The following EFCAB5 variants were observed in gnomAD, a reference collection of about 807,000 sequenced individuals.
The protein encoded by EFCAB5 is EF-hand calcium-binding domain-containing protein 5.
Under a neutral mutation model 167.9 loss-of-function variants are expected in EFCAB5, and 131 were observed. That is an observed-to-expected ratio of 0.78 (90% CI 0.68 to 0.90). EFCAB5 has a LOEUF of 0.90. Ranked by LOEUF, EFCAB5 falls within the 40% of genes least tolerant of loss-of-function variation. EFCAB5 has a pLI of 0.00. For synonymous variants in EFCAB5, 574 were observed against 602.8 expected (o/e 0.95, Z 0.70); for missense variants, 1,663 against 1,745.2 (o/e 0.95, Z 0.84).
intron 7 of EFCAB5, among the ~76,000 whole-genome samples, chr17:30,009,787 T>C (rs1229448174): frequency 6.6e-6 from 1 of 152,156 alleles, no homozygotes; most frequent in Non-Finnish European, 1.5e-5. Flanking sequence ...TTTAACCTTT[T>C]GAGGAACTGC....
At chr17:29,967,896 T>TC (rs1422947714) in intron 3 of EFCAB5, among the ~76,000 whole-genome samples, 1 of 151,538 alleles carries the variant, frequency 6.6e-6, no homozygotes, top group East Asian at 1.9e-4. Flanking sequence ...ACCTTTTTTT[T>TC]TTTTTTTTTT....
At chr17:30,039,371 C>T (rs769526792) in intron 8 of EFCAB5, among the ~76,000 whole-genome samples, 3 of 152,148 alleles carry the variant, frequency 2.0e-5, no homozygotes, top group Non-Finnish European at 4.4e-5. Context: ...TTTTCCTTTC[C>T]TTTCCTTCCC....
intron 18 of EFCAB5, among the ~76,000 whole-genome samples, chr17:30,085,837 C>T (rs1189568485): frequency 1.3e-5 from 2 of 152,100 alleles, no homozygotes; most frequent in East Asian, 3.8e-4. Context: ...CAACATTTCC[C>T]TTCTAAAGAG....
intron 7 of EFCAB5, among the ~76,000 whole-genome samples, chr17:30,003,103 G>C (rs999248914): frequency 2.8e-5 from 4 of 141,130 alleles, no homozygotes; most frequent in South Asian, 2.5e-4. Context: ...TTGTAGCGGG[G>C]GGGGGGTCTG....
intron 22 of EFCAB5, among the ~76,000 whole-genome samples, chr17:30,096,677 A>ATATATATATATATATTTTTT (rs1193558323): frequency 1.7e-5 from 1 of 60,128 alleles, no homozygotes; most frequent in African/African-American, 8.4e-5. Context: ...ATATATATAT[A>ATATATATATATATATTTTTT]TTTTTTTTTT....
chr17:30,017,931 G>A (rs989399537), intron 7 of EFCAB5, among the ~76,000 whole-genome samples: 5 of 152,044 alleles, frequency 3.3e-5, no homozygotes, highest in African/African-American at 9.7e-5. Flanking sequence ...TTTACAATGT[G>A]TTTTGCTATT....
At chr17:29,995,892 A>T (rs1597640546) in intron 5 of EFCAB5, among the ~76,000 whole-genome samples, 1 of 152,286 alleles carries the variant, frequency 6.6e-6, no homozygotes, top group African/African-American at 2.4e-5. Flanking sequence ...ACTTCATAAA[A>T]CACCAGTGAT....
In EFCAB5 at chr17:30,055,947, G is replaced by C; in HGVS notation, c.2254G>C (p.Glu752Gln). ...CTGTGAACCCAAGTCCCAAAAAATA[G>C]AAGGAAAGTCATGGTCAGGTAACTC... ...KPCEPKSQKI[E>Q]GKSWSGEFFT... The change falls in exon 11 of 23, where the codon GAA (glutamate) becomes CAA (glutamine). Residue 752 changes from glutamate to glutamine, a missense_variant. Glu to Gln is a conservative substitution (Grantham distance 29). Coordinates refer to ENST00000394835, the MANE Select transcript of EFCAB5 (RefSeq NM_198529.4). 12 of 1,613,702 alleles carry C rather than the reference G, an allele frequency of 7.4e-6. No individual in the cohort carries two copies. Among genetic ancestry groups the C allele is most frequent in the Non-Finnish European group, 9.3e-6 (11 of 1,179,782 alleles).
rs568203970 is a variant in EFCAB5 at position 30,050,401 on chromosome 17, C to T, written c.1201-717C>T. Among the ~76,000 whole-genome samples, 10 of 152,246 alleles carry T rather than the reference C, an allele frequency of 6.6e-5. No homozygotes were observed. The East Asian group carries it at 1.7e-3, about 26-fold the overall frequency. ...CCACCCACCTCGGCCTCCCAAAGTG[C>T]TGGGATTACAGGCGTGAGCCACCGC... On this transcript the variant is annotated intron_variant, in intron 8 of 22. Coordinates refer to ENST00000394835, the MANE Select transcript of EFCAB5 (RefSeq NM_198529.4).
chr17:30,071,444 A>G (rs2070734754), intron 14 of EFCAB5, among the ~76,000 whole-genome samples: 1 of 151,580 alleles, frequency 6.6e-6, no homozygotes, highest in Admixed American at 6.6e-5. Context: ...CAAAACCACA[A>G]TGAAGTATTA....
At chr17:30,037,924 C>T (rs2069668624) in intron 8 of EFCAB5, among the ~76,000 whole-genome samples, 1 of 152,030 alleles carries the variant, frequency 6.6e-6, no homozygotes. Flanking sequence ...CAATTAATAA[C>T]CCTAGAAAGG....
At chr17:30,093,285 G>T (rs2071235780) in intron 22 of EFCAB5, among the ~76,000 whole-genome samples, 1 of 152,146 alleles carries the variant, frequency 6.6e-6, no homozygotes. Flanking sequence ...CTTTTTCAAG[G>T]AGGAGAATCA....
At chr17:29,962,358 C>A (rs1258602974) in intron 3 of EFCAB5, among the ~76,000 whole-genome samples, 1 of 152,102 alleles carries the variant, frequency 6.6e-6, no homozygotes, top group Non-Finnish European at 1.5e-5. Context: ...TAATTTCTTT[C>A]AGCAATGTTT....
Position 29,969,035 on chromosome 17 carries a change from A to C in EFCAB5, c.435A>C (p.Lys145Asn). 1.9e-6 allele frequency: 3 copies of C among 1,599,022 alleles called. No individual in the cohort carries two copies. The highest frequency in any genetic ancestry group is 2.6e-6 in the Non-Finnish European group (3 of 1,173,912). The change falls in exon 4 of 23, where the codon AAA (lysine) becomes AAC (asparagine). Residue 145 changes from lysine (K) to asparagine (N), a missense_variant. Lys to Asn is a moderately conservative substitution (Grantham distance 94). Coordinates refer to ENST00000394835, the MANE Select transcript of EFCAB5 (RefSeq NM_198529.4). ...DKENLKKELE[K>N]KAEKKLPRDN... Reference sequence around the variant, plus strand: ...AAAATCTGAAGAAGGAACTAGAAAAAAAGGCTGAAAAAAAACTCCCTAGGG... The same window carrying C: ...AAAATCTGAAGAAGGAACTAGAAAACAAGGCTGAAAAAAAACTCCCTAGGG...
At chr17:30,073,879 T>C (rs1646797170) in intron 14 of EFCAB5, 2 of 352,936 alleles carry the variant, frequency 5.7e-6, no homozygotes, top group African/African-American at 2.1e-5. Context: ...TGGGTAACAT[T>C]GCAAAAACCA....
chr17:29,993,109 CT>C, intron 4 of EFCAB5, 55 bp from the exon 5 acceptor site: 1 of 1,461,452 alleles, frequency 6.8e-7, no homozygotes, highest in Non-Finnish European at 9.1e-7. Context: ...GTGTTCCAAT[CT>C]GGACCAAATC....
At chr17:30,058,190 G>A (rs879346036) in intron 13 of EFCAB5, among the ~76,000 whole-genome samples, 1 of 152,122 alleles carries the variant, frequency 6.6e-6, no homozygotes, top group African/African-American at 2.4e-5. Flanking sequence ...GCAAAGATGT[G>A]TATGTGCATT....
intron 19 of EFCAB5, 84 bp from the exon 20 acceptor site, chr17:30,090,337 A>C: frequency 1.3e-5 from 19 of 1,515,338 alleles, no homozygotes; most frequent in Non-Finnish European, 1.7e-5. Context: ...GGTAGGCACA[A>C]GAGAGTAATT....
chr17:30,043,523 G>A (rs2069833675), intron 8 of EFCAB5, among the ~76,000 whole-genome samples: 1 of 152,124 alleles, frequency 6.6e-6, no homozygotes, highest in Admixed American at 6.5e-5. Context: ...CATAAATTTA[G>A]CAAGGCTTCA....
Sources: gnomAD v4.1 joint callset for allele counts (sites outside exome capture counted in the v4.1 genomes callset) on GRCh38, gnomAD v4.1.1 for gene constraint, MANE v1.5 for transcripts, NCBI Gene and HGNC (gene_info 2026-07-23, HGNC 2026-07-21) for gene names.